Variants in NUP160 observed in about 807,000 individuals in gnomAD.
NUP160 encodes nucleoporin 160, also known as nuclear pore complex protein Nup160.
NUP160 carries 94 observed loss-of-function variants against 196.9 expected under a neutral mutation model. That is an observed-to-expected ratio of 0.48 (90% CI 0.40 to 0.57). The LOEUF (loss-of-function observed/expected upper bound fraction) is 0.57. Among genes scored for constraint, NUP160 ranks in the 20% least tolerant of loss-of-function variants. NUP160 has a pLI of 0.00. For missense variants in NUP160, 1,638 were observed against 1,748.3 expected, an observed-to-expected ratio of 0.94 and a Z score of 1.13; for synonymous variants, 605 against 619.7, an observed-to-expected ratio of 0.98 and a Z score of 0.35.
At chr11:47,779,056 A>T in exon 36 of NUP160, 1 of 1,353,716 alleles carries the variant, frequency 7.4e-7, no homozygotes, top group Non-Finnish European at 1.1e-6. Flanking sequence ...GGGTAGTCTT[A>T]AGTCCTAAGA....
At chr11:47,803,691 G>T (rs2097675753) in intron 21 of NUP160, among the ~76,000 whole-genome samples, 155 bp from the exon 22 acceptor site, 1 of 152,050 alleles carries the variant, frequency 6.6e-6, no homozygotes, top group Non-Finnish European at 1.5e-5. Flanking sequence ...TACCCCTGTT[G>T]CCTTCCTTCT....
chr11:47,788,963 G>A (rs543628738), intron 29 of NUP160, among the ~76,000 whole-genome samples: 37 of 150,870 alleles, frequency 2.5e-4, no homozygotes, highest in African/African-American at 8.3e-4. Context: ...TGCAACCTCC[G>A]CCTCTTGGGT....
chr11:47,848,529 T>C, upstream of NUP160: 1 of 875,782 alleles, frequency 1.1e-6, no homozygotes, highest in Non-Finnish European at 1.7e-6. Flanking sequence ...AGGCAGACTC[T>C]ATCTGCGGGA....
At chr11:47,786,621 A>C in intron 31 of NUP160, 67 bp from the exon 32 acceptor site, 1 of 949,104 alleles carries the variant, frequency 1.1e-6, no homozygotes, top group South Asian at 1.3e-5. Context: ...TTTGATACTA[A>C]AACTAGAGAG....
rs1172865965 is a variant in NUP160 at position 47,786,566 on chromosome 11, A to T, written c.3747-12T>A. The T allele has an allele frequency of 6.4e-7, 1 of 1,560,044 alleles. No individual in the cohort carries two copies. The highest frequency in any genetic ancestry group is 1.1e-5 in the South Asian group (1 of 89,970). On this transcript the variant is annotated splice_polypyrimidine_tract_variant and intron_variant, in intron 31 of 35. Transcript: ENST00000378460. Reference sequence around the variant, plus strand: ...GCAATTTGATGCATCTGGAATGAAAATGGTTCCACACTTGAAAACTGAACG... The same window carrying T: ...GCAATTTGATGCATCTGGAATGAAATTGGTTCCACACTTGAAAACTGAACG...
At chr11:47,789,763 C>A (rs2097666831) in intron 29 of NUP160, among the ~76,000 whole-genome samples, 1 of 151,804 alleles carries the variant, frequency 6.6e-6, no homozygotes, top group Non-Finnish European at 1.5e-5. Context: ...GTCTAAATTG[C>A]ATGTATAGTT....
chr11:47,831,582 G>C (rs71475992), intron 7 of NUP160, among the ~76,000 whole-genome samples: 1 of 151,432 alleles, frequency 6.6e-6, no homozygotes, highest in South Asian at 2.1e-4. Context: ...AGTGGCTCAC[G>C]CCTGTAATCC....
intron 32 of NUP160, among the ~76,000 whole-genome samples, chr11:47,786,054 A>C (rs569513106): frequency 6.6e-6 from 1 of 152,334 alleles, no homozygotes; most frequent in East Asian, 1.9e-4. Flanking sequence ...GATGGGTGAC[A>C]GACTGCTGAA....
intron 11 of NUP160, among the ~76,000 whole-genome samples, chr11:47,816,667 T>C (rs2097684646): frequency 6.6e-6 from 1 of 152,020 alleles, no homozygotes; most frequent in Non-Finnish European, 1.5e-5. Context: ...TCCCAGCTAC[T>C]TGGGAGGCTG....
rs190460749 is a variant in NUP160, at chr11:47,790,007, G to A, written c.3512-1396C>T. Among the ~76,000 whole-genome samples, 641 of 150,080 alleles carry A rather than the reference G, an allele frequency of 4.3e-3. 2 individuals are homozygous for A. The highest frequency in any genetic ancestry group is 6.0e-3 in the Non-Finnish European group (404 of 67,794). On this transcript the variant is annotated intron_variant, in intron 29 of 35. Coordinates refer to ENST00000378460, the Ensembl canonical transcript of NUP160. ...ATTGCCCAGACTGGAGTGCAATGGC[G>A]CGATCTCGGCTCACTGCAACCTCTC... is the stretch of plus-strand genomic sequence containing the variant.
intron 23 of NUP160, among the ~76,000 whole-genome samples, chr11:47,799,070 T>C (rs2097672630): frequency 6.6e-6 from 1 of 151,674 alleles, no homozygotes; most frequent in South Asian, 2.1e-4. Context: ...ACCCTAAAGA[T>C]AATTTACTAA....
At chr11:47,815,251 C>T (rs2097683700) in intron 13 of NUP160, 2 of 361,468 alleles carry the variant, frequency 5.5e-6, no homozygotes, top group Non-Finnish European at 9.8e-6. Context: ...GAAATAAATA[C>T]AATAAAATAC....
exon 33 of NUP160, chr11:47,784,987 A>G (rs1319567973): frequency 6.2e-7 from 1 of 1,604,510 alleles, no homozygotes; most frequent in Non-Finnish European, 8.5e-7. Context: ...TTGATTACAC[A>G]GTGGTGATAC....
chr11:47,847,238 C>G (rs1852416696), intron 2 of NUP160, among the ~76,000 whole-genome samples: 1 of 152,164 alleles, frequency 6.6e-6, no homozygotes, highest in South Asian at 2.1e-4. Flanking sequence ...ACTCCCCATG[C>G]CTGGCTAACC....
At chr11:47,808,637 A>G (rs2097679175) in intron 17 of NUP160, 108 bp from the exon 18 acceptor site, 1 of 810,342 alleles carries the variant, frequency 1.2e-6, no homozygotes, top group Admixed American at 3.3e-5. Flanking sequence ...AAAGGTCACA[A>G]TACTGTAAAA....
intron 33 of NUP160, among the ~76,000 whole-genome samples, chr11:47,784,072 C>T (rs1407449639): frequency 1.3e-5 from 2 of 151,818 alleles, no homozygotes; most frequent in African/African-American, 2.4e-5. Context: ...CCAAAAAAAA[C>T]TTTCCTGATT....
intron 1 of NUP160, 81 bp downstream of exon 1, chr11:47,848,138 C>T (rs776287281): frequency 6.6e-7 from 1 of 1,505,414 alleles, no homozygotes. Context: ...GAGGATGAAA[C>T]AGGGCGTCAG....
Position 47,791,923 on chromosome 11 carries a change from G to C in NUP160, c.3511+7C>G, listed in dbSNP as rs755867321. 2.0e-5 allele frequency: 32 copies of C among 1,600,398 alleles called. No homozygotes were observed. Among genetic ancestry groups the C allele is most frequent in the Non-Finnish European group, 2.7e-5 (32 of 1,168,756 alleles). On this transcript the variant is annotated splice_region_variant and intron_variant, in intron 29 of 35. Transcript: ENST00000378460. ...AGCAAAGAACCAGTGTGAGACTCCT[G>C]ACTCACTGGGGGCAGCTGTGCATTC...
chr11:47,836,724 T>C (rs1852183197), intron 6 of NUP160, among the ~76,000 whole-genome samples, 163 bp downstream of exon 6: 1 of 152,188 alleles, frequency 6.6e-6, no homozygotes, highest in Admixed American at 6.6e-5. Flanking sequence ...AGGAGGAAAA[T>C]ATATGCAAAA....
Sources: allele counts gnomAD v4.1 joint callset (sites outside exome capture counted in the v4.1 genomes callset), GRCh38; gene constraint gnomAD v4.1.1; transcripts MANE v1.5; gene names NCBI Gene and HGNC (gene_info 2026-07-23, HGNC 2026-07-21).